The following ST3GAL6 variants were observed in gnomAD, a reference collection of about 807,000 sequenced individuals.
ST3GAL6 encodes type 2 lactosamine alpha-2,3-sialyltransferase.
In ST3GAL6, 31 loss-of-function variants were observed where a neutral mutation model predicts 40.5. The observed-to-expected ratio is 0.77, with a 90% CI of 0.58 to 1.03. The LOEUF is 1.03. Ranked by LOEUF, ST3GAL6 falls within the 50% of genes least tolerant of loss-of-function variation. The pLI is 0.00. For synonymous variants in ST3GAL6, 129 were observed against 136.9 expected, an observed-to-expected ratio of 0.94 and a Z score of 0.40; for missense variants, 357 against 393.2, an observed-to-expected ratio of 0.91 and a Z score of 0.78.
chr3:98,758,648 T>G (rs554762992), upstream of ST3GAL6, among the ~76,000 whole-genome samples: 153 of 152,344 alleles, frequency 1.0e-3, 1 homozygote, highest in Admixed American at 9.9e-3. Context: ...TTAAAATGAT[T>G]GTGCAGCAAT....
intron 1 of ST3GAL6, among the ~76,000 whole-genome samples, chr3:98,766,885 G>C (rs1229150631): frequency 6.6e-6 from 1 of 152,198 alleles, no homozygotes; most frequent in East Asian, 1.9e-4. Context: ...CCTCAGGTCA[G>C]AAGAGGTAGA....
At chr3:98,746,415 T>TA in intron 1 of ST3GAL6, among the ~76,000 whole-genome samples, 1 of 152,082 alleles carries the variant, frequency 6.6e-6, no homozygotes, top group Non-Finnish European at 1.5e-5. Flanking sequence ...TTTTTTTTTT[T>TA]AATTTACCTT....
chr3:98,746,368 A>G (rs1458537581), intron 1 of ST3GAL6, among the ~76,000 whole-genome samples: 3 of 152,050 alleles, frequency 2.0e-5, no homozygotes, highest in Admixed American at 6.5e-5. Flanking sequence ...TGTAACCCTC[A>G]GTGTACTGGG....
chr3:98,755,172 G>A (rs1186112712), intron 1 of ST3GAL6, among the ~76,000 whole-genome samples: 1 of 152,046 alleles, frequency 6.6e-6, no homozygotes, highest in Non-Finnish European at 1.5e-5. Context: ...TCAGCTTCCT[G>A]GGTAGCTGGG....
chr3:98,791,892 A>G lies in ST3GAL6; in HGVS notation c.808A>G (p.Ile270Val), dbSNP rs1363757233. Reference protein sequence around the residue: ...GIIAITLAFYICHEVHLAGFK... With the variant: ...GIIAITLAFYVCHEVHLAGFK... ...TATTGCCATCACATTGGCGTTTTAC[A>G]TATGTCACGAAGTTCACCTAGCTGG... The change falls in exon 9 of 10, where the codon ATA (isoleucine) becomes GTA (valine). Residue 270 changes from isoleucine to valine, a missense_variant. By Grantham distance (29) the Ile-to-Val change is conservative. Transcript: ENST00000483910. The G allele has an allele frequency of 5.0e-6, 8 of 1,614,056 alleles. No individual in the cohort carries two copies. The highest frequency in any genetic ancestry group is 1.7e-5 in the Admixed American group (1 of 60,022).
chr3:98,733,413 T>C lies in ST3GAL6; in HGVS notation c.-12+881T>C, dbSNP rs1022286453. 124 of 1,013,262 alleles carry C rather than the reference T, an allele frequency of 1.2e-4. No individual in the cohort carries two copies. The African/African-American group carries it at 1.8e-3, about 15-fold the overall frequency. 62.8% of individuals were successfully genotyped at this position (1,013,262 alleles called of 1,614,324 possible). On this transcript the variant is annotated intron_variant, in intron 1 of 9. Transcript: ENST00000265261. The stretch of plus-strand genomic sequence containing the variant: ...TGCAATTGGGAAGCCAAGAGGAGTG[T>C]CCAGCTCCTCGTTCACTATTGTTTT...
In ST3GAL6 at chr3:98,781,284, C is replaced by T. The variant is rs112734613; in HGVS notation, c.336-3661C>T. Among the ~76,000 whole-genome samples, 1,119 of 152,100 alleles carry T rather than the reference C, an allele frequency of 7.4e-3. 12 individuals are homozygous for T. The highest frequency in any genetic ancestry group is 0.026 in the African/African-American group (1,069 of 41,476). The stretch of plus-strand genomic sequence containing the variant: ...ATAAGTGGGAGGTGAACAATGAGAA[C>T]ACGTGGACACAGGAAGGGGAACATC... On this transcript the variant is annotated intron_variant, in intron 5 of 9. Transcript: ENST00000483910.
At chr3:98,784,887 C>A in intron 5 of ST3GAL6, 58 bp from the exon 6 acceptor site, 1 of 1,424,914 alleles carries the variant, frequency 7.0e-7, no homozygotes, top group Non-Finnish European at 9.8e-7. Flanking sequence ...TGCATGGATT[C>A]TTGGAATCAG....
chr3:98,774,330 A>G (rs1939312002), intron 5 of ST3GAL6, among the ~76,000 whole-genome samples: 1 of 152,088 alleles, frequency 6.6e-6, no homozygotes, highest in Admixed American at 6.5e-5. Flanking sequence ...TGTTTCCCAT[A>G]CTTTTCCATG....
intron 6 of ST3GAL6, among the ~76,000 whole-genome samples, chr3:98,786,321 G>GATCC (rs935591643): frequency 2.6e-5 from 4 of 152,130 alleles, no homozygotes; most frequent in African/African-American, 9.7e-5. Flanking sequence ...AGATGAAGAG[G>GATCC]ATCCACCAGT....
intron 1 of ST3GAL6, among the ~76,000 whole-genome samples, chr3:98,734,563 C>T (rs1935361796): frequency 6.6e-6 from 1 of 152,162 alleles, no homozygotes; most frequent in Admixed American, 6.5e-5. Context: ...TATAGTTCCA[C>T]AATGTCTCAG....
At chr3:98,784,834 A>G (rs369878896) in intron 5 of ST3GAL6, 111 bp from the exon 6 acceptor site, 16 of 782,320 alleles carry the variant, frequency 2.0e-5, no homozygotes, top group Non-Finnish European at 2.1e-5. Context: ...TTCTTTTTCT[A>G]CTTGCGCAAC....
rs528556314 is a variant in ST3GAL6 at position 98,780,435 on chromosome 3, C to A, written c.336-4510C>A. 8.5e-5 allele frequency among the ~76,000 whole-genome samples: 13 copies of A among 152,262 alleles called. No individual in the cohort carries two copies. The East Asian group carries it at 2.5e-3, about 29-fold the overall frequency. ...TTGGCATGATTTCCTATAGTAAAGG[C>A]CCTTCTCTCTTTCTGTTTGTCCCCT... On this transcript the variant is annotated intron_variant, in intron 5 of 9. Transcript: ENST00000483910.
At chr3:98,759,781 T>A (rs1432064621), upstream of ST3GAL6, among the ~76,000 whole-genome samples, 3 of 152,204 alleles carry the variant, frequency 2.0e-5, no homozygotes, top group African/African-American at 7.2e-5. Flanking sequence ...ATGTGGCCAA[T>A]GATTCAGTTG....
Position 98,794,986 on chromosome 3 carries a change from C to T in ST3GAL6, c.*1225C>T, listed in dbSNP as rs1257681753. 2 of 152,146 alleles carry T rather than the reference C, an allele frequency of 1.3e-5. No homozygotes were observed. The highest frequency in any genetic ancestry group is 2.9e-5 in the Non-Finnish European group (2 of 68,026). The allele number at this position is 152,146 out of a possible 1,614,324, so 9.4% of individuals were successfully genotyped here. A position where few individuals can be genotyped will look rare whatever the true frequency, so the allele number is the denominator to read the frequency against. ...TTTTCCCATGATTAAAGCTAATCTT[C>T]AGATGGAAAGCTTGCCTGGCTACCT... On this transcript the variant is annotated 3_prime_UTR_variant, in exon 10 of 10. Transcript: ENST00000483910.
chr3:98,736,644 T>G (rs1935567873), intron 1 of ST3GAL6, among the ~76,000 whole-genome samples: 1 of 152,210 alleles, frequency 6.6e-6, no homozygotes, highest in African/African-American at 2.4e-5. Context: ...GAGATGGGAC[T>G]TCCCTAATGG....
intron 6 of ST3GAL6, among the ~76,000 whole-genome samples, chr3:98,786,947 C>T (rs1234447850): frequency 1.1e-5 from 1 of 87,740 alleles, no homozygotes; most frequent in African/African-American, 4.2e-5. Context: ...AGGTCATCAT[C>T]TGGGATAAGT....
At chr3:98,733,210 G>A in intron 1 of ST3GAL6, 1 of 942,184 alleles carries the variant, frequency 1.1e-6, no homozygotes, top group Non-Finnish European at 1.3e-6. Context: ...GACCATGGGC[G>A]CTGGGACCCG....
chr3:98,749,234 A>G (rs1045139490), intron 1 of ST3GAL6, among the ~76,000 whole-genome samples: 1 of 152,132 alleles, frequency 6.6e-6, no homozygotes. Flanking sequence ...TGGTTTTAGG[A>G]AATAAATCTA....
Sources: allele counts gnomAD v4.1 joint callset (sites outside exome capture counted in the v4.1 genomes callset), GRCh38; gene constraint gnomAD v4.1.1; transcripts MANE v1.5; gene names NCBI Gene and HGNC (gene_info 2026-07-23, HGNC 2026-07-21).